Variants in SORBS3 observed in about 807,000 individuals in gnomAD.
SORBS3 encodes sorbin and SH3 domain containing 3.
SORBS3 carries 69 observed loss-of-function variants against 98.0 expected under a neutral mutation model. The observed-to-expected ratio is 0.70, with a 90% CI of 0.58 to 0.86. SORBS3 has a LOEUF of 0.86. Ranked by LOEUF, SORBS3 falls within the 40% of genes least tolerant of loss-of-function variation. The pLI, the probability that SORBS3 is intolerant of heterozygous loss-of-function variation, is 0.00. For synonymous variants in SORBS3, 394 were observed against 355.4 expected, an observed-to-expected ratio of 1.11 and a Z score of -1.22; for missense variants, 954 against 908.5, an observed-to-expected ratio of 1.05 and a Z score of -0.64.
At chr8:22,553,098 T>G (rs1840116486) in intron 1 of SORBS3, among the ~76,000 whole-genome samples, 1 of 152,016 alleles carries the variant, frequency 6.6e-6, no homozygotes, top group Non-Finnish European at 1.5e-5. Context: ...CATCCCAGCC[T>G]TATTCTACCT....
In SORBS3 at chr8:22,551,994, C is replaced by G; in HGVS notation, c.-84C>G. On this transcript the variant is annotated 5_prime_UTR_variant, in exon 1 of 21. Transcript: ENST00000240123. This position sits in a 1 kb window ranked among gnomAD's most constrained non-coding sequence, Gnocchi z 5.8. ...ATGCTCCTGCGCTCCCGGGCGGCCT[C>G]GGGCCCAGCCACCTGCTCGCCGGGG... The G allele has an allele frequency of 3.0e-6, 3 of 984,266 alleles. No homozygotes were observed. The highest frequency in any genetic ancestry group is 1.2e-6 in the Non-Finnish European group (1 of 829,612). The allele number at this position is 984,266 out of a possible 1,614,324, so 61.0% of individuals were successfully genotyped here. A position where few individuals can be genotyped will look rare whatever the true frequency, so the allele number is the denominator to read the frequency against.
Position 22,571,002 on chromosome 8 carries a change from C to A in SORBS3, c.1524C>A (p.Ser508Arg). 1 of 1,613,808 alleles carries A rather than the reference C, an allele frequency of 6.2e-7. No homozygotes were observed. The highest frequency in any genetic ancestry group is 1.3e-5 in the African/African-American group (1 of 75,014). ...GTGRQGIFPA[S>R]YVQVSREPRL... ...GGCGCCAAGGCATATTCCCTGCCAG[C>A]TACGTGCAGGTGTCTCGTGAACCCC... The change falls in exon 18 of 21, where the codon AGC becomes AGA. Residue 508 changes from serine (S) to arginine (R), a missense_variant. Physicochemically the swap from Ser to Arg is moderately radical, Grantham distance 110. Transcript: ENST00000240123.
At chr8:22,557,885 C>G (rs1840216560) in intron 4 of SORBS3, among the ~76,000 whole-genome samples, 1 of 152,132 alleles carries the variant, frequency 6.6e-6, no homozygotes, top group Non-Finnish European at 1.5e-5. Context: ...GTAAATTGCC[C>G]CAAATCTCAT....
chr8:22,568,127 C>T (rs1449537269), intron 16 of SORBS3, among the ~76,000 whole-genome samples: 1 of 152,194 alleles, frequency 6.6e-6, no homozygotes, highest in Non-Finnish European at 1.5e-5. Context: ...GCTTGGGTTA[C>T]AAGCGTGAGC....
chr8:22,556,138 T>A (rs1487324115), intron 3 of SORBS3, among the ~76,000 whole-genome samples: 1 of 152,214 alleles, frequency 6.6e-6, no homozygotes, highest in Non-Finnish European at 1.5e-5. Context: ...TATGGGTAAG[T>A]TGAGGACTCA....
intron 1 of SORBS3, among the ~76,000 whole-genome samples, chr8:22,553,197 C>A (rs774495629): frequency 2.0e-5 from 3 of 152,152 alleles, no homozygotes; most frequent in Non-Finnish European, 4.4e-5. Context: ...TACCCACAAC[C>A]CCCATGCAGC....
In SORBS3 at chr8:22,566,469, C is replaced by T. The variant is rs1242311711; in HGVS notation, c.1075C>T (p.Pro359Ser). The stretch of plus-strand genomic sequence containing the variant: ...CCTAGGTCGGAGGGACTTTGTCTAC[C>T]CTTCCTCAACCCGAGGTAAGGACCC... Reference protein sequence around the residue: ...PFLGRRDFVYPSSTRDPSASN... With the variant: ...PFLGRRDFVYSSSTRDPSASN... The change falls in exon 13 of 21, where the codon CCT becomes TCT. Residue 359 changes from proline to serine, a missense_variant. Pro to Ser is a moderately conservative substitution (Grantham distance 74). Transcript: ENST00000240123. 1 of 1,613,776 alleles carries T rather than the reference C, an allele frequency of 6.2e-7. No individual in the cohort carries two copies. The highest frequency in any genetic ancestry group is 1.7e-5 in the Admixed American group (1 of 59,990).
intron 12 of SORBS3, chr8:22,566,122 G>A (rs1410480218): frequency 5.2e-5 from 32 of 609,768 alleles, no homozygotes; most frequent in Non-Finnish European, 7.4e-5. Context: ...GGTTAGGGCG[G>A]CCCCGCCACG....
chr8:22,553,412 C>T (rs1840123657), intron 1 of SORBS3, among the ~76,000 whole-genome samples: 1 of 152,208 alleles, frequency 6.6e-6, no homozygotes, highest in African/African-American at 2.4e-5. Flanking sequence ...AGTCCAGCAG[C>T]CAAGACGCGG....
chr8:22,574,766 G>C lies in SORBS3; in HGVS notation c.*38G>C, dbSNP rs755210819. 1 of 1,593,812 alleles carries C rather than the reference G, an allele frequency of 6.3e-7. No homozygotes were observed. Among genetic ancestry groups the C allele is most frequent in the South Asian group, 1.1e-5 (1 of 90,680 alleles). The stretch of plus-strand genomic sequence containing the variant: ...GCAACTTGGAGCCAGCCAGGATGGG[G>C]TGGGGAGCGGTGGCACTCGTGGGAG... On this transcript the variant is annotated 3_prime_UTR_variant, in exon 21 of 21. Transcript: ENST00000240123.
upstream of SORBS3, chr8:22,550,036 C>T (rs1840058169): frequency 1.0e-6 from 1 of 984,734 alleles, no homozygotes; most frequent in Non-Finnish European, 1.2e-6. Flanking sequence ...TGTGGTCCTT[C>T]TTAGTCCCAA....
At chr8:22,545,005 G>A (rs896077519) in exon 1 of SORBS3, 1 of 152,222 alleles carries the variant, frequency 6.6e-6, no homozygotes, top group African/African-American at 2.4e-5. Flanking sequence ...AGATGGCAGA[G>A]GGAGGGTGAA....
chr8:22,565,013 G>A, intron 10 of SORBS3: 3 of 1,390,834 alleles, frequency 2.2e-6, no homozygotes, highest in Non-Finnish European at 1.9e-6. Context: ...GCAGAAACTG[G>A]CAGGACTGCG....
chr8:22,554,802 A>G lies in SORBS3; in HGVS notation c.103-61A>G, dbSNP rs1446468288. 10 of 1,459,558 alleles carry G rather than the reference A, an allele frequency of 6.9e-6. No homozygotes were observed. Among genetic ancestry groups the G allele is most frequent in the Non-Finnish European group, 1.9e-6 (2 of 1,050,764 alleles). The allele number at this position is 1,459,558 out of a possible 1,614,324, so 90.4% of individuals were successfully genotyped here. A position where few individuals can be genotyped will look rare whatever the true frequency, so the allele number is the denominator to read the frequency against. ...CCGAGGGGTGTGGGCTGTGCCTAGT[A>G]GCCATCCCTCCCTCCCGCCCTGCTG... On this transcript the variant is annotated intron_variant, in intron 2 of 20. Coordinates refer to ENST00000240123, the MANE Select transcript of SORBS3 (RefSeq NM_005775.5). The surrounding 1 kb of genome is among the most constrained non-coding windows in gnomAD (Gnocchi z 6.5).
intron 1 of SORBS3, among the ~76,000 whole-genome samples, chr8:22,552,946 C>A (rs1327885093): frequency 6.6e-6 from 1 of 152,206 alleles, no homozygotes; most frequent in Non-Finnish European, 1.5e-5. Flanking sequence ...TCCCCCCAGT[C>A]AGGCATGGGC....
intron 3 of SORBS3, 69 bp from the exon 4 acceptor site, chr8:22,556,646 C>A (rs1293959258): frequency 7.1e-7 from 1 of 1,400,932 alleles, no homozygotes; most frequent in Non-Finnish European, 1.0e-6. Flanking sequence ...CTCTGAGGAG[C>A]TAAGGGACAC....
intron 15 of SORBS3, 67 bp downstream of exon 15, chr8:22,566,935 A>T: frequency 6.3e-7 from 1 of 1,577,272 alleles, no homozygotes; most frequent in Non-Finnish European, 8.7e-7. Context: ...GGGGATGGGG[A>T]GGGGGACTGG....
chr8:22,550,687 T>C (rs1388227227), upstream of SORBS3, among the ~76,000 whole-genome samples: 17 of 152,224 alleles, frequency 1.1e-4, no homozygotes, highest in Admixed American at 6.5e-4. Flanking sequence ...AAACTTTGAG[T>C]TGAGTGGTGA....
intron 8 of SORBS3, 99 bp from the exon 9 acceptor site, chr8:22,564,184 G>A (rs1840354535): frequency 6.7e-7 from 1 of 1,487,322 alleles, no homozygotes; most frequent in Non-Finnish European, 9.3e-7. Flanking sequence ...GACACCGTGG[G>A]CCCAGGGGAA....
Sources: allele counts gnomAD v4.1 joint callset (sites outside exome capture counted in the v4.1 genomes callset), GRCh38; gene constraint gnomAD v4.1.1; non-coding constraint Gnocchi (gnomAD v3.1); transcripts MANE v1.5; gene names NCBI Gene and HGNC (gene_info 2026-07-23, HGNC 2026-07-21).